The following RYR3 variants were observed in gnomAD, a reference collection of about 807,000 sequenced individuals.
RYR3 encodes the protein ryanodine receptor 3.
RYR3 carries 207 observed loss-of-function variants against 584.3 expected under a neutral mutation model. The observed-to-expected ratio is 0.35, with a 90% CI of 0.32 to 0.40. The LOEUF is 0.40. RYR3 is among the 10% of genes least tolerant of loss of function. RYR3 has a pLI of 1.00. For synonymous variants in RYR3, 2,416 were observed against 2,248.5 expected (o/e 1.07, Z -2.11); for missense variants, 5,616 against 6,089.2 (o/e 0.92, Z 2.59).
chr15:33,429,784 G>C (rs1233574509), intron 1 of RYR3, among the ~76,000 whole-genome samples: 1 of 152,242 alleles, frequency 6.6e-6, no homozygotes, highest in Non-Finnish European at 1.5e-5. Context: ...GCTCATCTAA[G>C]TGACTGGGTA....
intron 1 of RYR3, among the ~76,000 whole-genome samples, chr15:33,342,673 TTCTC>T (rs1278951010): frequency 7.2e-5 from 11 of 152,138 alleles, no homozygotes; most frequent in African/African-American, 2.7e-4. Flanking sequence ...CCTTCCCCCC[TTCTC>T]CTAAATTCAA....
chr15:33,683,830 C>G (rs138859490), intron 38 of RYR3, among the ~76,000 whole-genome samples: 100 of 152,392 alleles, frequency 6.6e-4, no homozygotes, highest in African/African-American at 2.4e-3. Flanking sequence ...CAAGGAGATT[C>G]TCTCCTGTGC....
In RYR3 at chr15:33,696,177, C is replaced by T. The variant is rs201075530; in HGVS notation, c.5861-41C>T. 14 of 1,580,272 alleles carry T rather than the reference C, an allele frequency of 8.9e-6. No homozygotes were observed. In the Admixed American group the frequency reaches 1.2e-4, roughly 14 times the overall value. On this transcript the variant is annotated intron_variant, in intron 38 of 103. Transcript: ENST00000634891. Reference sequence around the variant, plus strand: ...CTGAAACACCCAGCTCTCCCTGAGCCATGACAGCCACAGTCCTGCTCCCTC... The same window carrying T: ...CTGAAACACCCAGCTCTCCCTGAGCTATGACAGCCACAGTCCTGCTCCCTC...
At chr15:33,399,647 A>G (rs1413439313) in intron 1 of RYR3, among the ~76,000 whole-genome samples, 2 of 152,114 alleles carry the variant, frequency 1.3e-5, no homozygotes, top group South Asian at 2.1e-4. Context: ...CAAAAATAAA[A>G]AAGGAACCCT....
chr15:33,856,540 CCAT>C (rs959317026), intron 98 of RYR3: 1 of 152,306 alleles, frequency 6.6e-6, no homozygotes, highest in Non-Finnish European at 1.5e-5. Flanking sequence ...CTCAGCTCCA[CCAT>C]CATAATTCTT....
At position 33,824,848 on chromosome 15, in the gene RYR3, C is replaced by T. The variant is rs564335363; in HGVS notation, c.11073-755C>T. Among the ~76,000 whole-genome samples, 5 of 152,180 alleles carry T rather than the reference C, an allele frequency of 3.3e-5. No individual in the cohort carries two copies. The South Asian group carries it at 8.3e-4, about 25-fold the overall frequency. ...TCAGATTGGGGAATAAGTTAGACTC[C>T]GTTAGTAAAATGGAATGAGCCCCAC... On this transcript the variant is annotated intron_variant, in intron 81 of 103. Transcript: ENST00000634891.
intron 1 of RYR3, among the ~76,000 whole-genome samples, chr15:33,433,598 G>GAT (rs1290237211): frequency 6.6e-6 from 1 of 152,142 alleles, no homozygotes; most frequent in East Asian, 1.9e-4. Flanking sequence ...AGAAGTAGCT[G>GAT]ATTTATATAT....
intron 8 of RYR3, among the ~76,000 whole-genome samples, chr15:33,547,625 T>C (rs1379227931): frequency 6.6e-6 from 1 of 152,186 alleles, no homozygotes; most frequent in African/African-American, 2.4e-5. Flanking sequence ...AGTACAGTAA[T>C]AAAATCATGA....
chr15:33,717,791 C>A (rs2067611850), intron 43 of RYR3, among the ~76,000 whole-genome samples: 1 of 152,232 alleles, frequency 6.6e-6, no homozygotes, highest in African/African-American at 2.4e-5. Flanking sequence ...TCAAGCTTGA[C>A]TGTCCTGGTT....
chr15:33,864,874 C>G (rs778156868), intron 103 of RYR3: 2 of 440,224 alleles, frequency 4.5e-6, no homozygotes, highest in Non-Finnish European at 8.1e-6. Context: ...TAGTGGCAAA[C>G]ATTGATTGGT....
chr15:33,858,044 G>C, intron 99 of RYR3, 130 bp downstream of exon 99: 1 of 1,184,580 alleles, frequency 8.4e-7, no homozygotes, highest in East Asian at 2.5e-5. Flanking sequence ...GCACAGCAGA[G>C]ATTAAAGTAG....
intron 12 of RYR3, among the ~76,000 whole-genome samples, chr15:33,567,763 G>A (rs2152492507): frequency 6.6e-6 from 1 of 152,242 alleles, no homozygotes; most frequent in South Asian, 2.1e-4. Flanking sequence ...CAGATTCTTA[G>A]GTTTTACCTC....
At chr15:33,505,031 T>C (rs2052348426) in intron 3 of RYR3, among the ~76,000 whole-genome samples, 1 of 152,240 alleles carries the variant, frequency 6.6e-6, no homozygotes, top group African/African-American at 2.4e-5. Context: ...GTCTTTTTTC[T>C]TCGCTACTGG....
At chr15:33,640,878 A>G (rs1366007999) in intron 27 of RYR3, among the ~76,000 whole-genome samples, 6 of 152,146 alleles carry the variant, frequency 3.9e-5, no homozygotes, top group African/African-American at 1.2e-4. Context: ...CCCTCTTATT[A>G]TATTTTCTTC....
chr15:33,533,874 A>G (rs1052162313), intron 5 of RYR3, among the ~76,000 whole-genome samples: 1 of 145,500 alleles, frequency 6.9e-6, no homozygotes, highest in Admixed American at 7.5e-5. Context: ...TGTATCCTTT[A>G]TAATATCATT....
At chr15:33,816,274 C>T (rs1248643917) in intron 74 of RYR3, among the ~76,000 whole-genome samples, 4 of 152,202 alleles carry the variant, frequency 2.6e-5, no homozygotes, top group Admixed American at 6.5e-5. Flanking sequence ...TCAGTGCACC[C>T]ACATACCAGG....
At chr15:33,861,317 C>T in intron 102 of RYR3, 139 bp downstream of exon 102, 2 of 584,282 alleles carry the variant, frequency 3.4e-6, no homozygotes, top group Non-Finnish European at 6.1e-6. Context: ...TACCTTTGTC[C>T]ATAGACTCTG....
chr15:33,766,288 G>GAAAAAAAAAA (rs66478931), intron 60 of RYR3, among the ~76,000 whole-genome samples: 12 of 133,998 alleles, frequency 9.0e-5, no homozygotes, highest in South Asian at 2.3e-4. Flanking sequence ...ACCTCAAAAA[G>GAAAAAAAAAA]AAAAAAAAAA....
intron 1 of RYR3, among the ~76,000 whole-genome samples, chr15:33,339,378 C>T (rs1971529206): frequency 6.6e-6 from 1 of 152,134 alleles, no homozygotes; most frequent in Non-Finnish European, 1.5e-5. Flanking sequence ...GACCAGGGAA[C>T]GAGTTACAAG....
Sources: allele counts gnomAD v4.1 joint callset (sites outside exome capture counted in the v4.1 genomes callset), GRCh38; gene constraint gnomAD v4.1.1; transcripts MANE v1.5; gene names NCBI Gene and HGNC (gene_info 2026-07-23, HGNC 2026-07-21).